The following SORCS2 variants were observed in gnomAD, a reference collection of about 807,000 sequenced individuals.
SORCS2 encodes sortilin related VPS10 domain containing receptor 2.
In SORCS2, 100 loss-of-function variants were observed where a neutral mutation model predicts 141.6. The observed-to-expected ratio is 0.71, with a 90% CI of 0.60 to 0.83. The LOEUF (loss-of-function observed/expected upper bound fraction) is 0.83, where lower values mean the gene tolerates loss of function less well. Among genes scored for constraint, SORCS2 ranks in the 40% least tolerant of loss-of-function variants. The pLI is 0.00. For synonymous variants in SORCS2, 789 were observed against 676.9 expected, an observed-to-expected ratio of 1.17 and a Z score of -2.57; for missense variants, 1,646 against 1,560.2, an observed-to-expected ratio of 1.05 and a Z score of -0.93.
At chr4:7,404,502 C>A (rs57094722) in intron 2 of SORCS2, among the ~76,000 whole-genome samples, 1 of 152,060 alleles carries the variant, frequency 6.6e-6, no homozygotes, top group African/African-American at 2.4e-5. Context: ...TCCACATCCT[C>A]ACCAACATCT....
At chr4:7,484,368 G>T (rs952875585) in intron 2 of SORCS2, among the ~76,000 whole-genome samples, 13 of 152,204 alleles carry the variant, frequency 8.5e-5, no homozygotes, top group South Asian at 6.2e-4. Flanking sequence ...AACCTGCGTG[G>T]TATCAAGTTT....
intron 2 of SORCS2, among the ~76,000 whole-genome samples, chr4:7,489,327 C>G (rs1222679875): frequency 1.3e-5 from 2 of 152,200 alleles, no homozygotes; most frequent in African/African-American, 2.4e-5. Context: ...AAACCCACTT[C>G]CTAATTTGTG....
In SORCS2 at chr4:7,734,303, C is replaced by T. The variant is rs780159057; in HGVS notation, c.3240C>T (p.Tyr1080=). Residue 1080 remains tyrosine (Y), a synonymous_variant, in exon 25 of 27, where the codon TAC becomes TAT. Coordinates refer to ENST00000507866, the MANE Select transcript of SORCS2 (RefSeq NM_020777.3). ...GAEQLGGGGG[Y]WAVVVLFVIG... ...AGCAGCTGGGCGGCGGTGGCGGCTACTGGGCGGTAGTGGTGCTGTTTGTCA... is the reference window on the plus strand; with the variant it reads ...AGCAGCTGGGCGGCGGTGGCGGCTATTGGGCGGTAGTGGTGCTGTTTGTCA... The T allele has an allele frequency of 6.9e-6, 11 of 1,603,666 alleles. No individual in the cohort carries two copies. The highest frequency in any genetic ancestry group is 9.4e-6 in the Non-Finnish European group (11 of 1,176,174).
chr4:7,505,857 T>TCATA (rs1732246700), intron 2 of SORCS2, among the ~76,000 whole-genome samples: 1 of 152,126 alleles, frequency 6.6e-6, no homozygotes, highest in Admixed American at 6.5e-5. Flanking sequence ...CTCATAGAGC[T>TCATA]GGAGTGAAGA....
At chr4:7,583,887 G>T (rs1052615763) in intron 3 of SORCS2, among the ~76,000 whole-genome samples, 4 of 152,188 alleles carry the variant, frequency 2.6e-5, no homozygotes, top group Non-Finnish European at 4.4e-5. Context: ...GCACAGCACA[G>T]AGAGCTTAGG....
intron 2 of SORCS2, among the ~76,000 whole-genome samples, chr4:7,475,415 T>C (rs1412126595): frequency 6.6e-6 from 1 of 152,122 alleles, no homozygotes; most frequent in Admixed American, 6.5e-5. Context: ...CTGAGGTCCA[T>C]CCTGCATGTG....
intron 2 of SORCS2, among the ~76,000 whole-genome samples, chr4:7,485,654 G>T (rs1730933800): frequency 6.6e-6 from 1 of 152,258 alleles, no homozygotes; most frequent in Admixed American, 6.5e-5. Context: ...GGTTGTACCG[G>T]CCAGGCCGTG....
Position 7,192,798 on chromosome 4 carries a change from G to T in SORCS2, c.152G>T (p.Arg51Leu), listed in dbSNP as rs1170035229. Residue 51 changes from arginine (R) to leucine (L), a missense_variant, in exon 1 of 27, where the codon CGC becomes CTC. Arg to Leu is a moderately radical substitution (Grantham distance 102). Transcript: ENST00000507866. This position sits in a 1 kb window ranked among gnomAD's most constrained non-coding sequence, Gnocchi z 4.0. ...LLLGACGAAG[R>L]SPEPGRLGPH... ...CTGGGCGCCTGCGGGGCGGCGGGGC[G>T]CTCCCCTGAGCCCGGGCGCCTGGGT... 2.2e-5 allele frequency: 22 copies of T among 1,019,218 alleles called. No individual in the cohort carries two copies. In the South Asian group the frequency reaches 8.9e-4, roughly 41 times the overall value. The allele number at this position is 1,019,218 out of a possible 1,614,324, so 63.1% of individuals were successfully genotyped here. A position where few individuals can be genotyped will look rare whatever the true frequency, so the allele number is the denominator to read the frequency against.
chr4:7,632,837 C>A (rs1183796377), intron 3 of SORCS2, among the ~76,000 whole-genome samples: 1 of 151,906 alleles, frequency 6.6e-6, no homozygotes, highest in African/African-American at 2.4e-5. Flanking sequence ...GGCCACCAGG[C>A]TGTTAGCCTG....
intron 1 of SORCS2, among the ~76,000 whole-genome samples, chr4:7,357,799 T>G (rs974141374): frequency 3.3e-5 from 5 of 152,176 alleles, no homozygotes; most frequent in African/African-American, 1.2e-4. Flanking sequence ...TTTCAATCCC[T>G]GAGGGCCTCG....
intron 1 of SORCS2, among the ~76,000 whole-genome samples, chr4:7,246,963 C>T (rs113858324): frequency 2.6e-5 from 4 of 152,234 alleles, no homozygotes; most frequent in African/African-American, 7.2e-5. Context: ...GGTCCCCTTC[C>T]TTATTCCCCA....
chr4:7,727,658 A>G (rs1406424672), intron 21 of SORCS2, among the ~76,000 whole-genome samples: 1 of 152,188 alleles, frequency 6.6e-6, no homozygotes, highest in Non-Finnish European at 1.5e-5. Flanking sequence ...TGCAAATGCC[A>G]TCACCACCCT....
chr4:7,279,682 G>A (rs910120605), intron 1 of SORCS2, among the ~76,000 whole-genome samples: 2 of 152,222 alleles, frequency 1.3e-5, no homozygotes, highest in African/African-American at 2.4e-5. Flanking sequence ...GTGTCCAGCC[G>A]CGGAATTACA....
intron 3 of SORCS2, among the ~76,000 whole-genome samples, chr4:7,556,378 C>T (rs370799826): frequency 2.6e-5 from 4 of 152,122 alleles, no homozygotes; most frequent in East Asian, 3.9e-4. Context: ...CTCCAGGGGG[C>T]GCTGGGCTGG....
rs369221880 is a variant in SORCS2 at position 7,661,850 on chromosome 4, G to A, written c.952+286G>A. Among the ~76,000 whole-genome samples, 19 of 152,126 alleles carry A rather than the reference G, an allele frequency of 1.2e-4. No individual in the cohort carries two copies. The East Asian group carries it at 2.5e-3, about 20-fold the overall frequency. The stretch of plus-strand genomic sequence containing the variant: ...ACTCAGCCCACCACCCCTGGCATGT[G>A]CTAAGTGTGGAGGTGGGGGGCGGGG... On this transcript the variant is annotated intron_variant, in intron 6 of 26. Coordinates refer to ENST00000507866, the MANE Select transcript of SORCS2 (RefSeq NM_020777.3).
intron 3 of SORCS2, among the ~76,000 whole-genome samples, chr4:7,597,621 T>C (rs1560414892): frequency 6.9e-6 from 1 of 144,158 alleles, no homozygotes; most frequent in Non-Finnish European, 1.5e-5. Flanking sequence ...GGCAGGTGGT[T>C]ATTGTTAAAG....
intron 15 of SORCS2, among the ~76,000 whole-genome samples, chr4:7,713,145 C>T (rs192430580): frequency 1.3e-5 from 2 of 152,180 alleles, no homozygotes; most frequent in Admixed American, 1.3e-4. Flanking sequence ...GCTTGGGGTT[C>T]AGGATGTTCA....
At chr4:7,618,188 G>T (rs970924196) in intron 3 of SORCS2, among the ~76,000 whole-genome samples, 4 of 152,014 alleles carry the variant, frequency 2.6e-5, no homozygotes, top group African/African-American at 9.7e-5. Flanking sequence ...CTCAGGAAGT[G>T]GTCCCATCCC....
At chr4:7,390,551 A>T (rs1723791476) in intron 1 of SORCS2, among the ~76,000 whole-genome samples, 1 of 152,192 alleles carries the variant, frequency 6.6e-6, no homozygotes, top group Admixed American at 6.5e-5. Flanking sequence ...GTGTCTCTCC[A>T]AAGGGATTAT....
Sources: allele counts gnomAD v4.1 joint callset (sites outside exome capture counted in the v4.1 genomes callset), GRCh38; gene constraint gnomAD v4.1.1; non-coding constraint Gnocchi (gnomAD v3.1); transcripts MANE v1.5; gene names NCBI Gene and HGNC (gene_info 2026-07-23, HGNC 2026-07-21).